CCDC7: variants seen among roughly 807,000 people sequenced by gnomAD.
CCDC7 encodes coiled-coil domain-containing protein 7.
In CCDC7, 183 loss-of-function variants were observed where a neutral mutation model predicts 196.9. That is an observed-to-expected ratio of 0.93 (90% CI 0.82 to 1.05). CCDC7 has a LOEUF of 1.05. Among genes scored for constraint, CCDC7 ranks in the 50% least tolerant of loss-of-function variants. The pLI is 0.00. For missense variants in CCDC7, 1,540 were observed against 1,482.2 expected, an observed-to-expected ratio of 1.04 and a Z score of -0.64; for synonymous variants, 525 against 484.6, an observed-to-expected ratio of 1.08 and a Z score of -1.10.
chr10:32,641,160 G>C (rs1004729565), intron 20 of CCDC7, among the ~76,000 whole-genome samples: 2 of 152,070 alleles, frequency 1.3e-5, no homozygotes, highest in Non-Finnish European at 2.9e-5. Flanking sequence ...GCACATCTTT[G>C]TGGCGTTCTC....
intron 18 of CCDC7, among the ~76,000 whole-genome samples, chr10:32,603,827 G>T (rs1293161538): frequency 6.6e-6 from 1 of 151,802 alleles, no homozygotes; most frequent in Non-Finnish European, 1.5e-5. Flanking sequence ...TGAATTGTTT[G>T]GGTTTCTTGT....
At chr10:32,870,694 T>A (rs935571651) in intron 41 of CCDC7, among the ~76,000 whole-genome samples, 1 of 152,188 alleles carries the variant, frequency 6.6e-6, no homozygotes, top group African/African-American at 2.4e-5. Flanking sequence ...AGGGAATGCT[T>A]CCAGTTTTTG....
chr10:32,836,063 A>G (rs777360145), intron 33 of CCDC7, among the ~76,000 whole-genome samples: 7 of 152,142 alleles, frequency 4.6e-5, no homozygotes, highest in Non-Finnish European at 7.4e-5. Context: ...GTGTTCCACA[A>G]TTCAGTGATT....
chr10:32,729,256 C>A, intron 27 of CCDC7, 76 bp from the exon 29 acceptor site: 3 of 1,361,394 alleles, frequency 2.2e-6, no homozygotes, highest in South Asian at 2.8e-5. Flanking sequence ...TCTCATTTTA[C>A]TTCCATGGGT....
intron 32 of CCDC7, among the ~76,000 whole-genome samples, chr10:32,826,387 A>C (rs2091119753): frequency 6.6e-6 from 1 of 152,228 alleles, no homozygotes; most frequent in South Asian, 2.1e-4. Context: ...GCTTTGGTAG[A>C]AACTGAACAT....
chr10:32,669,945 A>G (rs2140683706), intron 21 of CCDC7, among the ~76,000 whole-genome samples: 1 of 152,314 alleles, frequency 6.6e-6, no homozygotes, highest in African/African-American at 2.4e-5. Context: ...GACAAATTAT[A>G]ATCAGACGTT....
chr10:32,463,957 C>T (rs997316389), intron 5 of CCDC7, among the ~76,000 whole-genome samples: 1 of 152,156 alleles, frequency 6.6e-6, no homozygotes, highest in African/African-American at 2.4e-5. Flanking sequence ...TCTACTATTC[C>T]TCTACCCTCT....
At chr10:32,700,329 T>G (rs1459513527) in intron 24 of CCDC7, among the ~76,000 whole-genome samples, 1 of 149,510 alleles carries the variant, frequency 6.7e-6, no homozygotes, top group Non-Finnish European at 1.5e-5. Context: ...CCCCATTTCT[T>G]GTTTTTGTCA....
intron 21 of CCDC7, among the ~76,000 whole-genome samples, chr10:32,674,175 A>T (rs1740714586): frequency 6.6e-6 from 1 of 150,376 alleles, no homozygotes; most frequent in South Asian, 2.1e-4. Context: ...TTTTCCTTGA[A>T]GTGTAAAGTT....
At chr10:32,879,870 CAA>C, downstream of CCDC7, among the ~76,000 whole-genome samples, 1 of 152,122 alleles carries the variant, frequency 6.6e-6, no homozygotes, top group African/African-American at 2.4e-5. Flanking sequence ...CATGTCCCTG[CAA>C]ACGACATGAT....
chr10:32,836,644 CATTTTTT>C (rs2092625057), intron 33 of CCDC7, among the ~76,000 whole-genome samples: 1 of 152,108 alleles, frequency 6.6e-6, no homozygotes, highest in Non-Finnish European at 1.5e-5. Context: ...TGATGATGAG[CATTTTTT>C]CATGTGTCTT....
intron 21 of CCDC7, among the ~76,000 whole-genome samples, chr10:32,669,816 T>A (rs1176677168): frequency 6.6e-6 from 1 of 152,206 alleles, no homozygotes. Flanking sequence ...TTGTTGTTGT[T>A]GTTGTCCATA....
intron 32 of CCDC7, 119 bp downstream of exon 33, chr10:32,824,723 G>A (rs2090861622): frequency 3.4e-6 from 2 of 580,924 alleles, no homozygotes; most frequent in South Asian, 3.2e-5. Flanking sequence ...AAGTCTTCAT[G>A]AATTTCCTCC....
chr10:32,683,323 G>C (rs149811994), intron 21 of CCDC7, among the ~76,000 whole-genome samples: 165 of 152,208 alleles, frequency 1.1e-3, no homozygotes, highest in African/African-American at 3.6e-3. Flanking sequence ...CTTTATTCCT[G>C]AGTTCTCTAA....
intron 41 of CCDC7, among the ~76,000 whole-genome samples, chr10:32,869,944 C>T (rs1454317850): frequency 3.3e-5 from 5 of 151,926 alleles, no homozygotes; most frequent in African/African-American, 1.2e-4. Flanking sequence ...TGTTCTGTTC[C>T]ATTGGTCTAT....
At position 32,711,729 on chromosome 10, in the gene CCDC7, CAGTA is replaced by C; in HGVS notation, c.2569+4_2569+7del. Reference sequence around the variant, plus strand: ...AAACTTCTGAAGGAGAAGGACGTAGCAGTAAGTATAATGATGATAGCTATTTTAT... The same window carrying C: ...AAACTTCTGAAGGAGAAGGACGTAGCAGTATAATGATGATAGCTATTTTAT... On this transcript the variant is annotated splice_donor_variant and splice_donor_region_variant and coding_sequence_variant and intron_variant, in exon 25 of 42. Transcript: ENST00000639629. LOFTEE classifies it high-confidence loss of function. The C allele has an allele frequency of 6.5e-7, 1 of 1,530,532 alleles. No individual in the cohort carries two copies. The highest frequency in any genetic ancestry group is 8.9e-7 in the Non-Finnish European group (1 of 1,125,208). The allele number at this position is 1,530,532 out of a possible 1,614,324, so 94.8% of individuals were successfully genotyped here.
intron 25 of CCDC7, among the ~76,000 whole-genome samples, chr10:32,721,435 G>A (rs190678881): frequency 7.0e-4 from 106 of 152,278 alleles, no homozygotes; most frequent in African/African-American, 2.2e-3. Flanking sequence ...AGGACTCAGG[G>A]TAAAGTTAGC....
chr10:32,825,391 A>C (rs1161115421), intron 32 of CCDC7, among the ~76,000 whole-genome samples: 1 of 152,230 alleles, frequency 6.6e-6, no homozygotes, highest in Non-Finnish European at 1.5e-5. Flanking sequence ...CAGCATGGCT[A>C]GAATATAAAG....
At chr10:32,459,816 C>T (rs537265068) in intron 3 of CCDC7, among the ~76,000 whole-genome samples, 2 of 151,912 alleles carry the variant, frequency 1.3e-5, no homozygotes, top group East Asian at 1.9e-4. Flanking sequence ...GCCAAAGGAC[C>T]TACCCTAACA....
Sources: allele counts gnomAD v4.1 joint callset (sites outside exome capture counted in the v4.1 genomes callset), GRCh38; gene constraint gnomAD v4.1.1; transcripts MANE v1.5; gene names NCBI Gene and HGNC (gene_info 2026-07-23, HGNC 2026-07-21).